The following CACNA1C variants were observed in gnomAD, a reference collection of about 807,000 sequenced individuals.
CACNA1C encodes the protein calcium voltage-gated channel subunit alpha1 C, also known as voltage-dependent L-type calcium channel subunit alpha-1C.
In CACNA1C, 30 loss-of-function variants were observed where a neutral mutation model predicts 229.0. The ratio of observed to expected loss-of-function variants is 0.13; its 90% CI spans 0.10 to 0.18. The LOEUF is 0.18. Ranked by LOEUF, CACNA1C falls within the 10% of genes least tolerant of loss-of-function variation. CACNA1C has a pLI of 1.00. For synonymous variants in CACNA1C, 1,114 were observed against 1,132.5 expected (o/e 0.98, Z 0.33); for missense variants, 1,658 against 2,845.0 (o/e 0.58, Z 9.49).
chr12:2,356,533 G>A (rs2097368612), intron 3 of CACNA1C, among the ~76,000 whole-genome samples: 1 of 152,250 alleles, frequency 6.6e-6, no homozygotes, highest in Admixed American at 6.5e-5. Context: ...GCTGCCCTTG[G>A]CCCCAAGGCT....
At chr12:2,415,651 C>T (rs531200656) in intron 3 of CACNA1C, among the ~76,000 whole-genome samples, 62 of 152,252 alleles carry the variant, frequency 4.1e-4, no homozygotes, top group Admixed American at 6.5e-4. Context: ...AGGCAGAGGT[C>T]GGACAGTGGT....
intron 1 of CACNA1C, among the ~76,000 whole-genome samples, chr12:2,058,143 G>A (rs2055967552): frequency 6.6e-6 from 1 of 152,174 alleles, no homozygotes; most frequent in Admixed American, 6.5e-5. Context: ...TTTCTTAGTT[G>A]TGTGGCAAGT....
intron 1 of CACNA1C, among the ~76,000 whole-genome samples, chr12:2,062,607 G>A (rs970123828): frequency 2.0e-4 from 30 of 152,172 alleles, no homozygotes; most frequent in Admixed American, 6.5e-5. Context: ...GCATGTTGTC[G>A]TGGTACCCCG....
At chr12:2,604,367 G>A (rs532147501) in intron 22 of CACNA1C, among the ~76,000 whole-genome samples, 2 of 152,242 alleles carry the variant, frequency 1.3e-5, no homozygotes, top group East Asian at 1.9e-4. Flanking sequence ...CCCCAACAGC[G>A]AAGCCCATCC....
At position 2,696,156 on chromosome 12, in the gene CACNA1C, G is replaced by A. The variant is rs574603292; in HGVS notation, c.*4957G>A. 6.6e-6 allele frequency: 1 copy of A among 152,322 alleles called. No homozygotes were observed. The highest frequency in any genetic ancestry group is 1.9e-4 in the East Asian group (1 of 5,182). 9.4% of individuals were successfully genotyped at this position (152,322 alleles called of 1,614,324 possible). A position where few individuals can be genotyped will look rare whatever the true frequency, so the allele number is the denominator to read the frequency against. The stretch of plus-strand genomic sequence containing the variant: ...AGAGGTTTGAGCCACAGCACCTGAA[G>A]TGGCAAAGATCCATGGTCTTTGTAG... On this transcript the variant is annotated 3_prime_UTR_variant, in exon 47 of 47. Transcript: ENST00000399655.
At position 2,005,159 on chromosome 12, in the gene CACNA1C, A is replaced by G. The variant is rs571526877; in HGVS notation, c.139+33958A>G. 6.7e-5 allele frequency among the ~76,000 whole-genome samples: 10 copies of G among 149,326 alleles called. No individual in the cohort carries two copies. The East Asian group carries it at 1.7e-3, about 26-fold the overall frequency. ...TCAGTTACAAAAGAAAAAAAAAAAA[A>G]GAAGAAGGTAGAGAGCCAGTGTCAC... On this transcript the variant is annotated intron_variant, in intron 1 of 46. Coordinates refer to the CACNA1C transcript ENST00000682462.
chr12:2,102,623 T>C (rs535171509), intron 1 of CACNA1C, among the ~76,000 whole-genome samples: 3 of 152,300 alleles, frequency 2.0e-5, no homozygotes, highest in Admixed American at 2.0e-4. Context: ...CTGGGGTACA[T>C]GTGCAGAATG....
chr12:2,269,493 C>T (rs968794931), intron 3 of CACNA1C, among the ~76,000 whole-genome samples: 2 of 152,104 alleles, frequency 1.3e-5, no homozygotes, highest in African/African-American at 4.8e-5. Flanking sequence ...GATGTACAGT[C>T]GTACAGTCTT....
chr12:2,139,969 G>T (rs1597080248), intron 3 of CACNA1C, among the ~76,000 whole-genome samples: 1 of 151,154 alleles, frequency 6.6e-6, no homozygotes, highest in East Asian at 1.9e-4. Flanking sequence ...TTTGGCAGGG[G>T]TCTCAGCAGG....
chr12:2,445,180 C>G (rs1258698708), intron 3 of CACNA1C, among the ~76,000 whole-genome samples: 1 of 152,194 alleles, frequency 6.6e-6, no homozygotes, highest in Middle Eastern at 3.2e-3. Flanking sequence ...CAGCACCTAA[C>G]CTTCTTCACC....
At chr12:2,081,064 G>A (rs553551326) in intron 1 of CACNA1C, among the ~76,000 whole-genome samples, 1 of 152,118 alleles carries the variant, frequency 6.6e-6, no homozygotes, top group Non-Finnish European at 1.5e-5. Context: ...AATACATCTC[G>A]ATCTAGACAC....
At chr12:2,500,548 G>C (rs2099757201) in intron 7 of CACNA1C, among the ~76,000 whole-genome samples, 1 of 152,112 alleles carries the variant, frequency 6.6e-6, no homozygotes, top group Admixed American at 6.5e-5. Flanking sequence ...ATCTGCCCAG[G>C]CTCCAGAGGC....
chr12:2,452,069 T>C (rs1323613289), intron 4 of CACNA1C, among the ~76,000 whole-genome samples: 1 of 152,192 alleles, frequency 6.6e-6, no homozygotes. Flanking sequence ...GGAAAATATC[T>C]GCTATCCTTG....
intron 2 of CACNA1C, 72 bp from the exon 3 acceptor site, chr12:2,120,253 A>T (rs913328807): frequency 1.1e-5 from 9 of 832,380 alleles, no homozygotes; most frequent in African/African-American, 5.0e-5. Context: ...GATTCATTTT[A>T]AAAAATATGT....
rs2090111226 is a variant in CACNA1C at position 2,630,971 on chromosome 12, C to T, written c.3829-3326C>T. On this transcript the variant is annotated intron_variant, in intron 29 of 46. Coordinates refer to ENST00000399655, the MANE Select transcript of CACNA1C (RefSeq NM_000719.7). The surrounding 1 kb of genome is among the most constrained non-coding windows in gnomAD (Gnocchi z 5.4). Reference sequence around the variant, plus strand: ...AGAAAGAGGGGGCTGTGCCTTCTGTCTGCACATATACAAAGAAATCTGGGA... The same window carrying T: ...AGAAAGAGGGGGCTGTGCCTTCTGTTTGCACATATACAAAGAAATCTGGGA... Among the ~76,000 whole-genome samples, 1 of 152,132 alleles carries T rather than the reference C, an allele frequency of 6.6e-6. No individual in the cohort carries two copies. Among genetic ancestry groups the T allele is most frequent in the Non-Finnish European group, 1.5e-5 (1 of 68,036 alleles).
chr12:2,431,470 A>G (rs1224567712), intron 3 of CACNA1C, among the ~76,000 whole-genome samples: 1 of 152,128 alleles, frequency 6.6e-6, no homozygotes, highest in Non-Finnish European at 1.5e-5. Context: ...TGCCCTTGCT[A>G]TGTTTCCAGA....
chr12:1,971,382 C>T lies in CACNA1C; in HGVS notation c.139+181C>T, dbSNP rs917549354. ...GTAACTGCACTATCCTGGTTTATGCCGTTCTTTGGAAATTCTCAATTGAAA... is the reference window on the plus strand; with the variant it reads ...GTAACTGCACTATCCTGGTTTATGCTGTTCTTTGGAAATTCTCAATTGAAA... On this transcript the variant is annotated intron_variant, in intron 1 of 46. Coordinates refer to the CACNA1C transcript ENST00000682462. This position sits in a 1 kb window ranked among gnomAD's most constrained non-coding sequence, Gnocchi z 4.2. 5.3e-5 allele frequency among the ~76,000 whole-genome samples: 8 copies of T among 152,080 alleles called. No homozygotes were observed. The highest frequency in any genetic ancestry group is 4.1e-4 in the South Asian group (2 of 4,822).
At chr12:2,549,670 A>G (rs1599709329) in intron 9 of CACNA1C, among the ~76,000 whole-genome samples, 1 of 152,324 alleles carries the variant, frequency 6.6e-6, no homozygotes, top group Non-Finnish European at 1.5e-5. Flanking sequence ...CAGTTTTTTC[A>G]GGATGTGTCC....
In CACNA1C at chr12:2,457,553, T is replaced by C. The variant is rs750096907; in HGVS notation, c.618-14T>C. 1 of 1,606,868 alleles carries C rather than the reference T, an allele frequency of 6.2e-7. No individual in the cohort carries two copies. The highest frequency in any genetic ancestry group is 1.7e-5 in the Admixed American group (1 of 58,952). On this transcript the variant is annotated splice_polypyrimidine_tract_variant and intron_variant, in intron 4 of 46. Coordinates refer to ENST00000399655, the MANE Select transcript of CACNA1C (RefSeq NM_000719.7). ...CCCAGTCCTGACAGTCCTTCTCTCTTTCCTCTCTTCTAGGCTTTTTAGTGC... is the reference window on the plus strand; with the variant it reads ...CCCAGTCCTGACAGTCCTTCTCTCTCTCCTCTCTTCTAGGCTTTTTAGTGC...
Sources: allele counts gnomAD v4.1 joint callset (sites outside exome capture counted in the v4.1 genomes callset), GRCh38; gene constraint gnomAD v4.1.1; non-coding constraint Gnocchi (gnomAD v3.1); transcripts MANE v1.5; gene names NCBI Gene and HGNC (gene_info 2026-07-23, HGNC 2026-07-21).